PES1: variants seen among roughly 807,000 people sequenced by gnomAD.
The protein encoded by PES1 is pescadillo homolog.
A neutral mutation model predicts 77.1 loss-of-function variants in PES1; 31 were observed. That is an observed-to-expected ratio of 0.40 (90% CI 0.30 to 0.54). PES1 has a LOEUF of 0.54. Ranked by LOEUF, PES1 falls within the 20% of genes least tolerant of loss-of-function variation. The pLI is 0.45. For missense variants in PES1, 658 were observed against 771.7 expected (o/e 0.85, Z 1.75); for synonymous variants, 282 against 303.0 (o/e 0.93, Z 0.72).
intron 1 of PES1, 45 bp from the exon 2 acceptor site, chr22:30,589,315 G>T: frequency 2.0e-6 from 3 of 1,481,400 alleles, no homozygotes; most frequent in South Asian, 2.3e-5. Context: ...TGATTGTAGT[G>T]ACTGACATCA....
At chr22:30,586,126 C>A (rs967391039) in intron 4 of PES1, among the ~76,000 whole-genome samples, 1 of 152,240 alleles carries the variant, frequency 6.6e-6, no homozygotes, top group Admixed American at 6.5e-5. Context: ...ATGAGATCAC[C>A]ACAACCACAT....
At chr22:30,595,195 G>C (rs540704030), upstream of PES1, among the ~76,000 whole-genome samples, 1 of 152,156 alleles carries the variant, frequency 6.6e-6, no homozygotes, top group African/African-American at 2.4e-5. Flanking sequence ...CTCTGGGAAA[G>C]GGTCTGGGTA....
chr22:30,585,479 T>G (rs1364803220), intron 4 of PES1: 5 of 331,586 alleles, frequency 1.5e-5, no homozygotes, highest in African/African-American at 1.1e-4. Context: ...CATTTACAAC[T>G]GGGCTCTTGC....
chr22:30,604,621 C>T (rs540912513), intron 2 of PES1, among the ~76,000 whole-genome samples: 4 of 98,246 alleles, frequency 4.1e-5, no homozygotes, highest in African/African-American at 8.8e-5. Context: ...CGAGTGAGAC[C>T]CTGTCTCAAA....
intron 2 of PES1, among the ~76,000 whole-genome samples, chr22:30,602,219 TAG>T (rs1156899422): frequency 1.3e-5 from 2 of 152,120 alleles, no homozygotes; most frequent in African/African-American, 4.8e-5. Context: ...GTTCTCATGA[TAG>T]AGAGGGAGTT....
chr22:30,597,889 TTTTTTTTG>T (rs2087284609), intron 2 of PES1, among the ~76,000 whole-genome samples: 2 of 143,914 alleles, frequency 1.4e-5, no homozygotes, highest in Admixed American at 1.4e-4. Context: ...TTTGTTTTTT[TTTTTTTTG>T]TTTTGAGTCG....
chr22:30,602,258 G>C (rs568699035), intron 2 of PES1, among the ~76,000 whole-genome samples: 8 of 152,136 alleles, frequency 5.3e-5, no homozygotes, highest in Non-Finnish European at 8.8e-5. Context: ...TTTTAAGTGT[G>C]GCACTTTCTC....
At chr22:30,591,964 A>T (rs1002037256), upstream of PES1, 5 of 1,413,898 alleles carry the variant, frequency 3.5e-6, no homozygotes, top group Non-Finnish European at 3.7e-6. Flanking sequence ...GCCCAATGAG[A>T]TGCCTGTACA....
intron 2 of PES1, 108 bp from the exon 3 acceptor site, chr22:30,588,282 G>T: frequency 7.9e-7 from 1 of 1,271,928 alleles, no homozygotes; most frequent in Non-Finnish European, 1.1e-6. Context: ...TGGGGTCCCT[G>T]CCCTTAGAGA....
At position 30,584,543 on chromosome 22, in the gene PES1, C is replaced by T. The variant is rs2087041589; in HGVS notation, c.540+3G>A. On this transcript the variant is annotated splice_donor_region_variant and intron_variant, in intron 5 of 14. Transcript: ENST00000354694. ...GATGCCAGCCGGGCAGTCCCAGGCTCACCTTGCGCAGGGCACGGGCAGCGA... is the reference window on the plus strand; with the variant it reads ...GATGCCAGCCGGGCAGTCCCAGGCTTACCTTGCGCAGGGCACGGGCAGCGA... 20 of 1,610,298 alleles carry T rather than the reference C, an allele frequency of 1.2e-5. No individual in the cohort carries two copies. The highest frequency in any genetic ancestry group is 1.5e-5 in the Non-Finnish European group (18 of 1,178,258).
chr22:30,582,938 G>A (rs1018102327), intron 6 of PES1, among the ~76,000 whole-genome samples: 11 of 152,208 alleles, frequency 7.2e-5, no homozygotes, highest in Non-Finnish European at 7.3e-5. Flanking sequence ...GCTCCGCTAC[G>A]ACCTAGTGCC....
intron 2 of PES1, among the ~76,000 whole-genome samples, chr22:30,597,993 C>T (rs575978232): frequency 1.3e-5 from 2 of 150,616 alleles, no homozygotes; most frequent in South Asian, 4.2e-4. Context: ...ACGCCATTCT[C>T]CTGCCTCAGC....
chr22:30,584,801 GC>G (rs2146468992), intron 4 of PES1, 84 bp from the exon 5 acceptor site: 1 of 1,411,600 alleles, frequency 7.1e-7, no homozygotes, highest in East Asian at 2.4e-5. Flanking sequence ...CACCCCAGAT[GC>G]CCCGTTCCTC....
At chr22:30,582,564 C>G (rs1473475208) in intron 6 of PES1, among the ~76,000 whole-genome samples, 6 of 152,200 alleles carry the variant, frequency 3.9e-5, no homozygotes, top group Non-Finnish European at 5.9e-5. Context: ...CCCCTAAAAC[C>G]ATGGAGGCCG....
At position 30,581,603 on chromosome 22, in the gene PES1, G is replaced by A. The variant is rs745897324; in HGVS notation, c.672C>T (p.Thr224=). The change falls in exon 7 of 15, where the codon ACC becomes ACT. Residue 224 remains threonine (T), a synonymous_variant. Transcript: ENST00000354694. The stretch of plus-strand genomic sequence containing the variant: ...AGCCCAGCAGCGTGGTGTAGAACTC[G>A]GTGAAGGTGGCCATGACCCTGTAGT... ...DVDYRVMATF[T]EFYTTLLGFV... is the part of the protein sequence containing the mutation. 2.7e-5 allele frequency: 44 copies of A among 1,613,566 alleles called. 1 individual carries two copies. In the South Asian group the frequency reaches 2.7e-4, roughly 10 times the overall value.
At position 30,581,652 on chromosome 22, in the gene PES1, ACACAAGAGATG is replaced by A; in HGVS notation, c.631-19_631-9del. On this transcript the variant is annotated splice_polypyrimidine_tract_variant and intron_variant, in intron 6 of 14. Coordinates refer to ENST00000354694, the MANE Select transcript of PES1 (RefSeq NM_014303.4). Reference sequence around the variant, plus strand: ...GTCCACGTCTGTCGGGTGCTGGGGAACACAAGAGATGCATGAGCAGTGTGGGTGCAGGGATG... The same window carrying A: ...GTCCACGTCTGTCGGGTGCTGGGGAACATGAGCAGTGTGGGTGCAGGGATG... 6.3e-7 allele frequency: 1 copy of A among 1,588,814 alleles called. No homozygotes were observed. Among genetic ancestry groups the A allele is most frequent in the South Asian group, 1.1e-5 (1 of 90,572 alleles).
intron 4 of PES1, 56 bp downstream of exon 4, chr22:30,587,230 G>T: frequency 2.5e-6 from 3 of 1,212,750 alleles, no homozygotes; most frequent in Non-Finnish European, 3.7e-6. Context: ...TGGTGCTAGG[G>T]CAGAGACCAG....
intron 2 of PES1, among the ~76,000 whole-genome samples, chr22:30,599,188 C>T (rs935194383): frequency 2.0e-5 from 3 of 151,978 alleles, no homozygotes; most frequent in East Asian, 1.9e-4. Flanking sequence ...TGAGTCACAG[C>T]GTCTGGCCTG....
intron 6 of PES1, among the ~76,000 whole-genome samples, chr22:30,583,733 G>C (rs140903420): frequency 3.9e-5 from 6 of 152,364 alleles, no homozygotes; most frequent in African/African-American, 1.2e-4. Context: ...AGACCAGTCT[G>C]GGTAATATAG....
Sources: gnomAD v4.1 joint callset for allele counts (sites outside exome capture counted in the v4.1 genomes callset) on GRCh38, gnomAD v4.1.1 for gene constraint, MANE v1.5 for transcripts, NCBI Gene and HGNC (gene_info 2026-07-23, HGNC 2026-07-21) for gene names.